LIPH: variants seen among roughly 807,000 people sequenced by gnomAD.
The protein encoded by LIPH is lipase H, also known as lipase member H.
Under a neutral mutation model 47.6 loss-of-function variants are expected in LIPH, and 32 were observed. That is an observed-to-expected ratio of 0.67 (90% CI 0.51 to 0.90). The LOEUF is 0.90. LIPH is among the 40% of genes least tolerant of loss of function. The pLI, the probability that LIPH is intolerant of heterozygous loss-of-function variation, is 0.00. For missense variants in LIPH, 497 were observed against 541.4 expected, an observed-to-expected ratio of 0.92 and a Z score of 0.81; for synonymous variants, 190 against 195.6, an observed-to-expected ratio of 0.97 and a Z score of 0.24.
chr3:185,524,345 G>C (rs957881969), intron 4 of LIPH, among the ~76,000 whole-genome samples, 185 bp from the exon 5 acceptor site: 29 of 152,022 alleles, frequency 1.9e-4, no homozygotes, highest in Admixed American at 1.6e-3. Context: ...TTCCAACTAG[G>C]TTAACTGTGA....
chr3:185,514,337 G>C (rs763530108), intron 8 of LIPH, 73 bp downstream of exon 8: 2 of 783,330 alleles, frequency 2.6e-6, no homozygotes, highest in Non-Finnish European at 4.7e-6. Flanking sequence ...TAAGAAAGTA[G>C]GTGGATTTGT....
intron 1 of LIPH, among the ~76,000 whole-genome samples, chr3:185,545,242 T>C (rs931166456): frequency 6.6e-6 from 1 of 152,156 alleles, no homozygotes; most frequent in Admixed American, 6.5e-5. Flanking sequence ...GTTGGATGAG[T>C]GGTGTTTCCA....
chr3:185,510,946 T>A (rs1423978406), intron 9 of LIPH, among the ~76,000 whole-genome samples: 1 of 152,256 alleles, frequency 6.6e-6, no homozygotes, highest in African/African-American at 2.4e-5. Flanking sequence ...TCTAAGCATA[T>A]AACAACATTA....
At chr3:185,527,829 T>C (rs1471321298) in intron 3 of LIPH, among the ~76,000 whole-genome samples, 1 of 149,424 alleles carries the variant, frequency 6.7e-6, no homozygotes. Flanking sequence ...GGGGCATGTG[T>C]CATGCAGAGC....
intron 1 of LIPH, among the ~76,000 whole-genome samples, chr3:185,536,040 A>G (rs1473510913): frequency 2.0e-5 from 3 of 152,186 alleles, no homozygotes; most frequent in African/African-American, 7.2e-5. Context: ...CCTCCCAGCT[A>G]TAAGTACTAT....
chr3:185,524,024 C>A (rs1268214182), intron 5 of LIPH, 47 bp downstream of exon 5: 3 of 1,351,484 alleles, frequency 2.2e-6, no homozygotes, highest in Non-Finnish European at 2.1e-6. Context: ...GCACAGCCTC[C>A]AAATATGCCT....
At position 185,507,296 on chromosome 3, in the gene LIPH, T is replaced by TGGGAGGTGGAGGTTGCA. The variant is rs2148943442; in HGVS notation, c.*1477_*1493dup. 1 of 150,150 alleles carries TGGGAGGTGGAGGTTGCA rather than the reference T, an allele frequency of 6.7e-6. No individual in the cohort carries two copies. Among genetic ancestry groups the TGGGAGGTGGAGGTTGCA allele is most frequent in the Non-Finnish European group, 1.5e-5 (1 of 67,706 alleles). 9.3% of individuals were successfully genotyped at this position (150,150 alleles called of 1,614,324 possible). ...CTGAGGCAGGAGAATCAATTGAACC[T>TGGGAGGTGGAGGTTGCA]GGGAGGTGGAGGTTGCAGTGAGCTG... On this transcript the variant is annotated 3_prime_UTR_variant, in exon 10 of 10. Transcript: ENST00000296252.
intron 4 of LIPH, among the ~76,000 whole-genome samples, chr3:185,526,779 A>C (rs1415368280): frequency 1.3e-5 from 2 of 150,714 alleles, no homozygotes; most frequent in East Asian, 1.9e-4. Flanking sequence ...AGAGAGCTGT[A>C]GTTGCATCAG....
At chr3:185,528,712 G>T (rs1720205503) in intron 3 of LIPH, among the ~76,000 whole-genome samples, 1 of 152,146 alleles carries the variant, frequency 6.6e-6, no homozygotes, top group African/African-American at 2.4e-5. Context: ...CCAAGTGGGT[G>T]TCAATCCCTG....
rs544947270 is a variant in LIPH, at chr3:185,510,655, C to T, written c.1268+869G>A. 3.3e-5 allele frequency among the ~76,000 whole-genome samples: 5 copies of T among 152,080 alleles called. No homozygotes were observed. The East Asian group carries it at 5.8e-4, about 18-fold the overall frequency. On this transcript the variant is annotated intron_variant, in intron 9 of 9. Transcript: ENST00000296252. The stretch of plus-strand genomic sequence containing the variant: ...CAGCAATTTGGGAGACAAAGGCGGG[C>T]GGATACTTGAGGCCAGGAGTTCAAG...
At chr3:185,537,408 G>T (rs13322432) in intron 1 of LIPH, among the ~76,000 whole-genome samples, 1 of 152,118 alleles carries the variant, frequency 6.6e-6, no homozygotes, top group Non-Finnish European at 1.5e-5. Flanking sequence ...TCATCAAGTA[G>T]CCTGTGTAGC....
Position 185,524,060 on chromosome 3 carries a change from TA to T in LIPH, c.718+10del. ...TTTTATACCACTATTTTACAAAATA[TA>T]AAGGCTTACCTCCCAATATTGTTTT... is the stretch of plus-strand genomic sequence containing the variant. On this transcript the variant is annotated intron_variant, in intron 5 of 9. Transcript: ENST00000296252. 6.3e-7 allele frequency: 1 copy of T among 1,593,502 alleles called. No individual in the cohort carries two copies. Among genetic ancestry groups the T allele is most frequent in the Non-Finnish European group, 8.6e-7 (1 of 1,161,288 alleles).
intron 1 of LIPH, among the ~76,000 whole-genome samples, chr3:185,546,063 GGCTGA>G (rs1399638479): frequency 2.0e-5 from 3 of 152,120 alleles, no homozygotes; most frequent in Admixed American, 6.5e-5. Flanking sequence ...CTACTTGGGA[GGCTGA>G]GGCAGGAGGA....
intron 1 of LIPH, among the ~76,000 whole-genome samples, chr3:185,539,905 G>A (rs1315173748): frequency 6.6e-6 from 1 of 152,154 alleles, no homozygotes; most frequent in Non-Finnish European, 1.5e-5. Flanking sequence ...TGAAGCCATG[G>A]CTCCCCATGC....
intron 9 of LIPH, among the ~76,000 whole-genome samples, chr3:185,509,752 A>G (rs1477238201): frequency 6.6e-6 from 1 of 152,220 alleles, no homozygotes; most frequent in African/African-American, 2.4e-5. Context: ...CCTCTGAATA[A>G]TGACAATATG....
intron 1 of LIPH, among the ~76,000 whole-genome samples, chr3:185,538,156 C>T (rs1577684513): frequency 6.6e-6 from 1 of 152,086 alleles, no homozygotes; most frequent in East Asian, 1.9e-4. Flanking sequence ...TACTGTCCCC[C>T]GGAGAAGTCC....
intron 1 of LIPH, among the ~76,000 whole-genome samples, chr3:185,540,822 T>A (rs549161562): frequency 2.8e-4 from 43 of 152,188 alleles, no homozygotes; most frequent in African/African-American, 1.0e-3. Context: ...AACTGTTCCA[T>A]ACTGAAATAT....
rs547377566 is a variant in LIPH at position 185,519,180 on chromosome 3, C to A, written c.848G>T (p.Ser283Ile). The change falls in exon 6 of 10, where the codon AGC (serine) becomes ATC (isoleucine). Residue 283 changes from serine (S) to isoleucine (I), a missense_variant. Ser to Ile is a moderately radical substitution (Grantham distance 142, BLOSUM62 -2). Transcript: ENST00000296252. ...GGACTCTTTTTGTGACGTGCCGCAG[C>A]TGACACACTTGCCATTCCTATAATC... is the stretch of plus-strand genomic sequence containing the variant. Reference protein sequence around the residue: ...YQDYRNGKCVSCGTSQKESCP... With the variant: ...YQDYRNGKCVICGTSQKESCP... 6.2e-7 allele frequency: 1 copy of A among 1,614,056 alleles called. No homozygotes were observed. The highest frequency in any genetic ancestry group is 1.1e-5 in the South Asian group (1 of 91,072).
intron 4 of LIPH, among the ~76,000 whole-genome samples, chr3:185,526,398 G>A (rs1175350193): frequency 6.6e-6 from 1 of 151,656 alleles, no homozygotes; most frequent in African/African-American, 2.4e-5. Context: ...GTGAGTGCCT[G>A]TAATCCCAGC....
Sources: allele counts gnomAD v4.1 joint callset (sites outside exome capture counted in the v4.1 genomes callset), GRCh38; gene constraint gnomAD v4.1.1; transcripts MANE v1.5; gene names NCBI Gene and HGNC (gene_info 2026-07-23, HGNC 2026-07-21).